DNAH11: variants seen among roughly 807,000 people sequenced by gnomAD.
The protein encoded by DNAH11 is axonemal beta dynein heavy chain 11.
A neutral mutation model predicts 526.0 loss-of-function variants in DNAH11; 442 were observed. The observed-to-expected ratio is 0.84, with a 90% CI of 0.78 to 0.91. The LOEUF (loss-of-function observed/expected upper bound fraction) is 0.91, where lower values mean the gene tolerates loss of function less well. DNAH11 is among the 40% of genes least tolerant of loss of function. The probability of loss-of-function intolerance (pLI) is 0.00; values close to 1 mark genes in which losing one functional copy is unlikely to be tolerated. For synonymous variants in DNAH11, 2,461 were observed against 1,935.9 expected (o/e 1.27, Z -7.12); for missense variants, 6,989 against 5,448.7 (o/e 1.28, Z -8.90).
At chr7:21,602,303 C>T (rs1435261857) in intron 18 of DNAH11, among the ~76,000 whole-genome samples, 4 of 152,110 alleles carry the variant, frequency 2.6e-5, no homozygotes, top group African/African-American at 9.7e-5. Context: ...CACACCACTG[C>T]ACTCTAGCAT....
chr7:21,583,971 C>T (rs1218724078), intron 9 of DNAH11, among the ~76,000 whole-genome samples: 1 of 152,184 alleles, frequency 6.6e-6, no homozygotes, highest in Non-Finnish European at 1.5e-5. Context: ...TGCTTTTACA[C>T]TGTTGGTGGG....
intron 30 of DNAH11, among the ~76,000 whole-genome samples, chr7:21,671,197 G>A (rs2128469382): frequency 6.6e-6 from 1 of 152,080 alleles, no homozygotes; most frequent in East Asian, 1.9e-4. Flanking sequence ...CCTTTCTTGT[G>A]TCAGTTTTGG....
At chr7:21,650,586 A>C (rs1248885447) in intron 28 of DNAH11, among the ~76,000 whole-genome samples, 1 of 146,720 alleles carries the variant, frequency 6.8e-6, no homozygotes, top group African/African-American at 2.5e-5. Flanking sequence ...ACCATATTGC[A>C]TGCCTATTTC....
In DNAH11 at chr7:21,854,407, T is replaced by C; in HGVS notation, c.11154T>C (p.Val3718=). 1 of 1,613,924 alleles carries C rather than the reference T, an allele frequency of 6.2e-7. No homozygotes were observed. Among genetic ancestry groups the C allele is most frequent in the South Asian group, 1.1e-5 (1 of 91,064 alleles). The change falls in exon 68 of 82, where the codon GTT becomes GTC. Residue 3718 remains valine, a synonymous_variant. Transcript: ENST00000409508. ...VAARASLLYF[V]INDLQKINPL... is the part of the protein sequence containing the mutation. ...CAAGAGCATCTCTTCTTTATTTTGT[T>C]ATTAATGACCTCCAAAAAATCAACC...
chr7:21,736,483 T>C (rs890499378), intron 46 of DNAH11, among the ~76,000 whole-genome samples: 1 of 152,214 alleles, frequency 6.6e-6, no homozygotes, highest in Non-Finnish European at 1.5e-5. Flanking sequence ...GACTCTCTGA[T>C]ATCCGGTTGT....
intron 6 of DNAH11, among the ~76,000 whole-genome samples, chr7:21,568,766 G>A (rs986298347): frequency 2.0e-5 from 3 of 152,154 alleles, no homozygotes; most frequent in African/African-American, 7.2e-5. Flanking sequence ...GAAGCAGAAA[G>A]GGCCACTCGA....
intron 66 of DNAH11, among the ~76,000 whole-genome samples, chr7:21,845,187 C>G (rs887491964): frequency 6.6e-6 from 1 of 152,088 alleles, no homozygotes; most frequent in Admixed American, 6.5e-5. Context: ...TTTTCACTTT[C>G]TTGTTGGTGT....
intron 43 of DNAH11, among the ~76,000 whole-genome samples, 183 bp from the exon 44 acceptor site, chr7:21,720,542 G>A (rs1404639973): frequency 1.3e-5 from 2 of 151,748 alleles, no homozygotes; most frequent in African/African-American, 4.8e-5. Flanking sequence ...GGTTGAAAGT[G>A]ACAAGTTTTC....
At chr7:21,683,208 G>A (rs1783213367) in intron 31 of DNAH11, among the ~76,000 whole-genome samples, 1 of 151,368 alleles carries the variant, frequency 6.6e-6, no homozygotes, top group African/African-American at 2.4e-5. Flanking sequence ...TGATTCTCAA[G>A]AAATCCAAGG....
intron 48 of DNAH11, 53 bp downstream of exon 48, chr7:21,739,726 T>C: frequency 1.5e-6 from 2 of 1,379,180 alleles, no homozygotes; most frequent in Non-Finnish European, 2.0e-6. Context: ...TGTATTGTTT[T>C]CGAGTACAGC....
chr7:21,633,263 G>C (rs758519283), intron 25 of DNAH11, among the ~76,000 whole-genome samples: 3 of 152,178 alleles, frequency 2.0e-5, no homozygotes, highest in Non-Finnish European at 2.9e-5. Flanking sequence ...TGTTTCATTT[G>C]CACTTGAGAA....
At chr7:21,892,708 A>G (rs1784369930) in intron 77 of DNAH11, 41 bp downstream of exon 77, 35 of 1,530,172 alleles carry the variant, frequency 2.3e-5, no homozygotes, top group Non-Finnish European at 2.9e-5. Flanking sequence ...ATTGAAGTAT[A>G]ACTTACTTGT....
chr7:21,674,056 G>C (rs1782756342), intron 30 of DNAH11, among the ~76,000 whole-genome samples: 1 of 151,452 alleles, frequency 6.6e-6, no homozygotes, highest in South Asian at 2.1e-4. Flanking sequence ...GTGTGTGTGT[G>C]TGTGTGAGTT....
intron 14 of DNAH11, among the ~76,000 whole-genome samples, chr7:21,595,148 G>C (rs895328278): frequency 6.6e-6 from 1 of 152,230 alleles, no homozygotes; most frequent in Non-Finnish European, 1.5e-5. Context: ...AGCATGATCA[G>C]TTTCTGGCAA....
rs1188926282 is a variant in DNAH11, at chr7:21,901,022, C to CCCAAGCAGGAACCATTGTTGAAGCCCG, written c.13320_13346dup (p.Gln4441_Arg4449dup). 1.2e-6 allele frequency: 2 copies of CCCAAGCAGGAACCATTGTTGAAGCCCG among 1,605,702 alleles called. No individual in the cohort carries two copies. The highest frequency in any genetic ancestry group is 1.7e-6 in the Non-Finnish European group (2 of 1,175,698). On this transcript the variant is annotated inframe_insertion, in exon 82 of 82. Coordinates refer to ENST00000409508, the MANE Select transcript of DNAH11 (RefSeq NM_001277115.2). ...TTTGCCATAGGCGCCCGCTGGGACA[C>CCCAAGCAGGAACCATTGTTGAAGCCCG]CCAAGCAGGAACCATTGTTGAAGCC...
At chr7:21,591,060 A>G (rs1233905431) in intron 13 of DNAH11, 38 bp downstream of exon 13, 11 of 1,389,194 alleles carry the variant, frequency 7.9e-6, no homozygotes, top group South Asian at 3.3e-5. Context: ...ACTAGGGCCT[A>G]TTATGAATAT....
At chr7:21,626,454 C>T (rs1278238531) in intron 25 of DNAH11, among the ~76,000 whole-genome samples, 2 of 152,084 alleles carry the variant, frequency 1.3e-5, no homozygotes, top group Non-Finnish European at 2.9e-5. Context: ...TACTGATTTT[C>T]TTTCTTTTGG....
In DNAH11 at chr7:21,794,581, A is replaced by G. The variant is rs76944115; in HGVS notation, c.10026+5239A>G. On this transcript the variant is annotated intron_variant, in intron 61 of 81. Transcript: ENST00000409508. ...GATACTCTGGCTTTGTGTGAAAGCTAGCTGGGGGTTTGTGCCCAGAAGACC... is the reference window on the plus strand; with the variant it reads ...GATACTCTGGCTTTGTGTGAAAGCTGGCTGGGGGTTTGTGCCCAGAAGACC... Among the ~76,000 whole-genome samples the G allele has an allele frequency of 8.9e-3, 1,351 of 152,260 alleles. 20 individuals are homozygous for G. Among genetic ancestry groups the G allele is most frequent in the African/African-American group, 0.031 (1,275 of 41,552 alleles).
At chr7:21,749,576 C>T (rs535211110) in intron 52 of DNAH11, 102 bp from the exon 53 acceptor site, 4 of 1,494,766 alleles carry the variant, frequency 2.7e-6, no homozygotes, top group Non-Finnish European at 3.6e-6. Context: ...CCCCACAGTG[C>T]TATGGCGATA....
Sources: allele counts gnomAD v4.1 joint callset (sites outside exome capture counted in the v4.1 genomes callset), GRCh38; gene constraint gnomAD v4.1.1; transcripts MANE v1.5; gene names NCBI Gene and HGNC (gene_info 2026-07-23, HGNC 2026-07-21).